MYLIP: variants seen among roughly 807,000 people sequenced by gnomAD.
MYLIP encodes the protein E3 ubiquitin-protein ligase MYLIP.
A neutral mutation model predicts 45.8 loss-of-function variants in MYLIP; 26 were observed. That is an observed-to-expected ratio of 0.57 (90% CI 0.42 to 0.79). The LOEUF (loss-of-function observed/expected upper bound fraction) is 0.79, where lower values mean the gene tolerates loss of function less well. Among genes scored for constraint, MYLIP ranks in the 30% least tolerant of loss-of-function variants. MYLIP has a pLI of 0.00. For missense variants in MYLIP, 494 were observed against 555.6 expected (o/e 0.89, Z 1.11); for synonymous variants, 213 against 218.1 (o/e 0.98, Z 0.21).
rs1489275242 is a variant in MYLIP, at chr6:16,147,821, G to A, written c.*1070G>A. On this transcript the variant is annotated 3_prime_UTR_variant, in exon 7 of 7. Transcript: ENST00000356840. ...TTGGGTTGTCCCCTCTGTATGTTTCGAAGGGGTTTTGGTTCTTTTTGCTTC... is the reference window on the plus strand; with the variant it reads ...TTGGGTTGTCCCCTCTGTATGTTTCAAAGGGGTTTTGGTTCTTTTTGCTTC... 3.3e-5 allele frequency: 5 copies of A among 152,428 alleles called. No individual in the cohort carries two copies. The highest frequency in any genetic ancestry group is 5.9e-5 in the Non-Finnish European group (4 of 68,006). The allele number at this position is 152,428 out of a possible 1,614,324, so 9.4% of individuals were successfully genotyped here.
intron 3 of MYLIP, among the ~76,000 whole-genome samples, chr6:16,142,150 T>C (rs1759687430): frequency 6.6e-6 from 1 of 152,230 alleles, no homozygotes; most frequent in South Asian, 2.1e-4. Flanking sequence ...AGCTATCAAA[T>C]GTATAAGCAT....
chr6:16,138,981 T>G (rs1441777664), intron 2 of MYLIP, among the ~76,000 whole-genome samples: 1 of 152,232 alleles, frequency 6.6e-6, no homozygotes, highest in Non-Finnish European at 1.5e-5. Context: ...ATTCTGTTAC[T>G]GCTTCTTTGC....
At chr6:16,152,192 T>G (rs914846735), downstream of MYLIP, among the ~76,000 whole-genome samples, 1 of 152,240 alleles carries the variant, frequency 6.6e-6, no homozygotes, top group Non-Finnish European at 1.5e-5. Context: ...GAGACATGAC[T>G]GCTGGAATAA....
Position 16,142,888 on chromosome 6 carries a change from ATC to A in MYLIP, c.465-131_465-130del. 13 of 898,358 alleles carry A rather than the reference ATC, an allele frequency of 1.4e-5. No homozygotes were observed. In the South Asian group the frequency reaches 1.9e-4, roughly 13 times the overall value. 55.6% of individuals were successfully genotyped at this position (898,358 alleles called of 1,614,324 possible). On this transcript the variant is annotated intron_variant, in intron 3 of 6. Coordinates refer to ENST00000356840, the MANE Select transcript of MYLIP (RefSeq NM_013262.4). ...AGTAAGTTCGCTAAATACATGAAAC[ATC>A]AGTAATACATAAGTTTTAAGTTGTT...
chr6:16,152,249 G>A (rs1248953400), downstream of MYLIP, among the ~76,000 whole-genome samples: 1 of 152,212 alleles, frequency 6.6e-6, no homozygotes, highest in Admixed American at 6.5e-5. Flanking sequence ...ACAGTAAGGA[G>A]TTTATACGTT....
At position 16,129,274 on chromosome 6, in the gene MYLIP, C is replaced by A; in HGVS notation, c.-49C>A. 6.5e-7 allele frequency: 1 copy of A among 1,538,590 alleles called. No homozygotes were observed. The highest frequency in any genetic ancestry group is 8.8e-7 in the Non-Finnish European group (1 of 1,137,766). ...CCCACCAGTGACAAGGCGGCAGCCC[C>A]GCGCACACCAAAGAGAAGGCGGCTG... On this transcript the variant is annotated 5_prime_UTR_variant, in exon 1 of 7. Transcript: ENST00000356840. This position sits in a 1 kb window ranked among gnomAD's most constrained non-coding sequence, Gnocchi z 5.1.
chr6:16,160,673 G>A, the MYLIP span, among the ~76,000 whole-genome samples: 502 of 152,240 alleles, frequency 3.3e-3, 5 homozygotes, highest in African/African-American at 0.011. Flanking sequence ...ATGGTAGCGG[G>A]TGCCTGAAAT....
chr6:16,147,012 T>C lies in MYLIP; in HGVS notation c.*261T>C. On this transcript the variant is annotated 3_prime_UTR_variant, in exon 7 of 7. Coordinates refer to ENST00000356840, the MANE Select transcript of MYLIP (RefSeq NM_013262.4). ...CCTTGGATGTTGATTTTTTTTATGA[T>C]CTAGTAAAGGAATAGGTAAAGTCTT... The C allele has an allele frequency of 3.0e-6, 1 of 332,272 alleles. No individual in the cohort carries two copies. The highest frequency in any genetic ancestry group is 4.8e-5 in the South Asian group (1 of 20,954). The allele number at this position is 332,272 out of a possible 1,614,324, so 20.6% of individuals were successfully genotyped here. A position where few individuals can be genotyped will look rare whatever the true frequency, so the allele number is the denominator to read the frequency against.
Position 16,146,736 on chromosome 6 carries a change from T to A in MYLIP, c.1323T>A (p.Asn441Lys), listed in dbSNP as rs1418521061. Residue 441 changes from asparagine (N) to lysine (K), a missense_variant, in exon 7 of 7, where the codon AAT (asparagine) becomes AAA (lysine). Asn to Lys is a moderately conservative substitution (Grantham distance 94, BLOSUM62 0). Coordinates refer to ENST00000356840, the MANE Select transcript of MYLIP (RefSeq NM_013262.4). ...VYLPTHTSLL[N>K]LTVI is the part of the protein sequence containing the mutation. ...TGCCAACGCACACCAGTCTTCTCAATCTGACTGTAATCTAATCTGTTGTGC... is the reference window on the plus strand; with the variant it reads ...TGCCAACGCACACCAGTCTTCTCAAACTGACTGTAATCTAATCTGTTGTGC... 4 of 1,609,686 alleles carry A rather than the reference T, an allele frequency of 2.5e-6. No individual in the cohort carries two copies. Among genetic ancestry groups the A allele is most frequent in the Non-Finnish European group, 3.4e-6 (4 of 1,177,376 alleles).
intron 2 of MYLIP, among the ~76,000 whole-genome samples, chr6:16,136,015 A>G (rs1365023980): frequency 6.6e-6 from 1 of 151,900 alleles, no homozygotes; most frequent in Non-Finnish European, 1.5e-5. Flanking sequence ...GTATATAAGT[A>G]TGTTTCCCCG....
At chr6:16,157,665 G>T in the MYLIP span, among the ~76,000 whole-genome samples, 1 of 152,202 alleles carries the variant, frequency 6.6e-6, no homozygotes, top group Non-Finnish European at 1.5e-5. Flanking sequence ...TTGAAGAGCC[G>T]GCCACCTGGG....
At chr6:16,151,982 T>C (rs1581612364), downstream of MYLIP, among the ~76,000 whole-genome samples, 1 of 152,240 alleles carries the variant, frequency 6.6e-6, no homozygotes. Context: ...TATGTAGATA[T>C]ATGTATATTA....
At chr6:16,144,629 CAGT>C in intron 5 of MYLIP, among the ~76,000 whole-genome samples, 1 of 152,214 alleles carries the variant, frequency 6.6e-6, no homozygotes, top group Non-Finnish European at 1.5e-5. Flanking sequence ...CAACTTCACT[CAGT>C]AGCGTCTGTC....
chr6:16,146,598 CAG>C, intron 6 of MYLIP, 62 bp from the exon 7 acceptor site: 1 of 1,323,590 alleles, frequency 7.6e-7, no homozygotes, highest in South Asian at 1.2e-5. Context: ...GGGGTGTGCA[CAG>C]AGACACAGGC....
Position 16,142,992 on chromosome 6 carries a change from A to G in MYLIP, c.465-28A>G, listed in dbSNP as rs539262072. The stretch of plus-strand genomic sequence containing the variant: ...CTCTAAAGCTAATATCTGTATACTT[A>G]ATTCTCTGTCCTCTTGGTGTCCTCC... On this transcript the variant is annotated intron_variant, in intron 3 of 6. Transcript: ENST00000356840. 2.5e-6 allele frequency: 4 copies of G among 1,599,142 alleles called. No individual in the cohort carries two copies. The Admixed American group carries it at 6.9e-5, about 28-fold the overall frequency.
downstream of MYLIP, among the ~76,000 whole-genome samples, chr6:16,150,166 A>G (rs1406861538): frequency 6.6e-6 from 1 of 152,214 alleles, no homozygotes; most frequent in Non-Finnish European, 1.5e-5. Context: ...CAGCGAGACT[A>G]TGAAGGTATT....
intron 3 of MYLIP, 108 bp downstream of exon 3, chr6:16,141,918 T>A: frequency 9.3e-7 from 1 of 1,074,636 alleles, no homozygotes; most frequent in Non-Finnish European, 1.3e-6. Flanking sequence ...TTTATGTACA[T>A]TTTTGAGCTC....
At chr6:16,152,333 G>C (rs1202244566), downstream of MYLIP, among the ~76,000 whole-genome samples, 1 of 152,168 alleles carries the variant, frequency 6.6e-6, no homozygotes, top group African/African-American at 2.4e-5. Context: ...TACATACCTA[G>C]AATATATCAG....
chr6:16,157,165 T>C, the MYLIP span, among the ~76,000 whole-genome samples: 1 of 152,236 alleles, frequency 6.6e-6, no homozygotes, highest in Non-Finnish European at 1.5e-5. Flanking sequence ...CTGAAATGTT[T>C]CAGATGCTTA....
Sources: gnomAD v4.1 joint callset for allele counts (sites outside exome capture counted in the v4.1 genomes callset) on GRCh38, gnomAD v4.1.1 for gene constraint, Gnocchi (gnomAD v3.1) non-coding constraint, MANE v1.5 for transcripts, NCBI Gene and HGNC (gene_info 2026-07-23, HGNC 2026-07-21) for gene names.